FAM83C: variants seen among roughly 807,000 people sequenced by gnomAD.
FAM83C encodes the protein scaffolding CK1 anchoring protein C.
Under a neutral mutation model 27.1 loss-of-function variants are expected in FAM83C, and 23 were observed. The ratio of observed to expected loss-of-function variants is 0.85; its 90% CI spans 0.61 to 1.20. The LOEUF (loss-of-function observed/expected upper bound fraction) is 1.20. Ranked by LOEUF, FAM83C falls within the 50% of genes most tolerant of loss-of-function variation. The pLI is 0.00. For missense variants in FAM83C, 984 were observed against 1,001.3 expected, an observed-to-expected ratio of 0.98 and a Z score of 0.23; for synonymous variants, 426 against 423.1, an observed-to-expected ratio of 1.01 and a Z score of -0.09.
At chr20:35,288,743 C>T (rs748972409) in intron 2 of FAM83C, 48 bp downstream of exon 2, 19 of 1,565,680 alleles carry the variant, frequency 1.2e-5, no homozygotes, top group Non-Finnish European at 1.5e-5. Flanking sequence ...CCTGCCCTCC[C>T]TGACTCCCCG....
At position 35,286,816 on chromosome 20, in the gene FAM83C, G is replaced by A; in HGVS notation, c.1963C>T (p.Pro655Ser). 6.2e-7 allele frequency: 1 copy of A among 1,613,990 alleles called. No homozygotes were observed. Among genetic ancestry groups the A allele is most frequent in the Non-Finnish European group, 8.5e-7 (1 of 1,179,982 alleles). The change falls in exon 4 of 4, where the codon CCG becomes TCG. Residue 655 changes from proline (P) to serine (S), a missense_variant. By Grantham distance (74) the Pro-to-Ser change is moderately conservative. Coordinates refer to ENST00000374408, the MANE Select transcript of FAM83C (RefSeq NM_178468.6). ...RGEGPGPNGL[P>S]ISSPARTAGA... ...GCCGTGCGAGCAGGGCTTGATATCG[G>A]GAGACCATTGGGCCCAGGCCCCTCA...
Position 35,287,078 on chromosome 20 carries a change from G to A in FAM83C, c.1701C>T (p.Ala567=). 1 of 1,605,002 alleles carries A rather than the reference G, an allele frequency of 6.2e-7. No homozygotes were observed. Among genetic ancestry groups the A allele is most frequent in the Non-Finnish European group, 8.5e-7 (1 of 1,179,944 alleles). The change falls in exon 4 of 4, where the codon GCC becomes GCT. Residue 567 remains alanine (A), a synonymous_variant. Transcript: ENST00000374408. ...LLSRALGTGG[A]PELGSLRPGD... ...CAGGTCTGAGGGAACCCAACTCAGG[G>A]GCACCCCCAGTACCCAGGGCTCGGG...
Position 35,286,307 on chromosome 20 carries a change from A to G in FAM83C, c.*228T>C, listed in dbSNP as rs1054346477. The G allele has an allele frequency of 1.9e-6, 1 of 534,342 alleles. No homozygotes were observed. Among genetic ancestry groups the G allele is most frequent in the Non-Finnish European group, 3.3e-6 (1 of 302,778 alleles). 33.1% of individuals were successfully genotyped at this position (534,342 alleles called of 1,614,324 possible). ...ACCCACCTGTCAGCTCTACAGGCCC[A>G]GCACAGGGCTGGAAACACAGCCTAG... On this transcript the variant is annotated 3_prime_UTR_variant, in exon 4 of 4. Coordinates refer to ENST00000374408, the MANE Select transcript of FAM83C (RefSeq NM_178468.6).
In FAM83C at chr20:35,287,877, TAC is replaced by T. The variant is rs1263543982; in HGVS notation, c.900_901del (p.Tyr301ArgfsTer2). ...GCCCTCCACAGGCTGCGACTCAGCG[TAC>T]AGACAGCGGAACTCCCGGTCAAAGT... On this transcript the variant is annotated frameshift_variant, in exon 4 of 4. Coordinates refer to ENST00000374408, the MANE Select transcript of FAM83C (RefSeq NM_178468.6). LOFTEE classifies it low-confidence loss of function (END_TRUNC). The T allele has an allele frequency of 1.4e-5, 22 of 1,561,616 alleles. No homozygotes were observed. Among genetic ancestry groups the T allele is most frequent in the Non-Finnish European group, 1.9e-5 (22 of 1,152,248 alleles).
At chr20:35,289,700 C>T (rs1379437256) in intron 1 of FAM83C, among the ~76,000 whole-genome samples, 1 of 151,866 alleles carries the variant, frequency 6.6e-6, no homozygotes, top group Non-Finnish European at 1.5e-5. Flanking sequence ...GTCTTGAACC[C>T]CTGGCCTCAA....
At chr20:35,291,154 C>A (rs886939963) in intron 1 of FAM83C, among the ~76,000 whole-genome samples, 1 of 152,224 alleles carries the variant, frequency 6.6e-6, no homozygotes, top group Non-Finnish European at 1.5e-5. Flanking sequence ...CCCTCAAGGC[C>A]ACGCCAAAGA....
In FAM83C at chr20:35,287,049, T is replaced by A; in HGVS notation, c.1730A>T (p.Asp577Val). 1 of 1,605,070 alleles carries A rather than the reference T, an allele frequency of 6.2e-7. No homozygotes were observed. The highest frequency in any genetic ancestry group is 1.1e-5 in the South Asian group (1 of 91,074). The change falls in exon 4 of 4, where the codon GAT (aspartate) becomes GTT (valine). Residue 577 changes from aspartate to valine, a missense_variant. Transcript: ENST00000374408. ...APELGSLRPG[D>V]RALEDRRLSL... ...CAGCCTCCTGTCCTCCAGGGCCCGATCACCAGGTCTGAGGGAACCCAACTC... is the reference window on the plus strand; with the variant it reads ...CAGCCTCCTGTCCTCCAGGGCCCGAACACCAGGTCTGAGGGAACCCAACTC...
Position 35,287,587 on chromosome 20 carries a change from G to A in FAM83C, c.1192C>T (p.Leu398=). The change falls in exon 4 of 4, where the codon CTG becomes TTG. Residue 398 remains leucine, a synonymous_variant. Transcript: ENST00000374408. ...GGGGAGCCGTGGTTAGGGTCTGACA[G>A]TTGGCGATGTAGGGAGGGCTGGCCA... ...ASGQPSLHRQ[L]SDPNHGSPPG... The A allele has an allele frequency of 6.2e-7, 1 of 1,614,128 alleles. No homozygotes were observed. Among genetic ancestry groups the A allele is most frequent in the South Asian group, 1.1e-5 (1 of 91,084 alleles).
chr20:35,288,421 T>C lies in FAM83C; in HGVS notation c.806+40A>G, dbSNP rs756505079. 4 of 1,610,212 alleles carry C rather than the reference T, an allele frequency of 2.5e-6. No homozygotes were observed. The South Asian group carries it at 3.3e-5, about 13-fold the overall frequency. On this transcript the variant is annotated intron_variant, in intron 3 of 3. Coordinates refer to ENST00000374408, the MANE Select transcript of FAM83C (RefSeq NM_178468.6). ...GAAGCTCAGAGCTGCCAGCCAGTGA[T>C]GCAGCCCCAGGCCCCCCTTGCCTCC...
In FAM83C at chr20:35,286,673, C is replaced by T. The variant is rs767888609; in HGVS notation, c.2106G>A (p.Lys702=). The change falls in exon 4 of 4, where the codon AAG becomes AAA. Residue 702 remains lysine, a synonymous_variant. Transcript: ENST00000374408. ...TGTTACCACCATTGAGATGGCCACC[C>T]TTGGGACCCCCAGGCTCAGTTCCCT... ...ARQGTEPGGP[K]GGHLNGGNSD... is the part of the protein sequence containing the mutation. 2.2e-5 allele frequency: 36 copies of T among 1,613,914 alleles called. No homozygotes were observed. Among genetic ancestry groups the T allele is most frequent in the Non-Finnish European group, 3.0e-5 (35 of 1,179,996 alleles).
In FAM83C at chr20:35,292,241, G is replaced by A. The variant is rs377344891; in HGVS notation, c.64C>T (p.Arg22Trp). The change falls in exon 1 of 4, where the codon CGG becomes TGG. Residue 22 changes from arginine to tryptophan, a missense_variant. Arg to Trp is a moderately radical substitution (Grantham distance 101, BLOSUM62 -3). Coordinates refer to ENST00000374408, the MANE Select transcript of FAM83C (RefSeq NM_178468.6). ...AQGMAGPLRG[R>W]VEELKLPWWR... Reference sequence around the variant, plus strand: ...CACGGCAGCTTCAGCTCTTCCACCCGGCCCCGCAGGGGTCCCGCCATGCCC... The same window carrying A: ...CACGGCAGCTTCAGCTCTTCCACCCAGCCCCGCAGGGGTCCCGCCATGCCC... 4.2e-5 allele frequency: 66 copies of A among 1,556,630 alleles called. No individual in the cohort carries two copies. Among genetic ancestry groups the A allele is most frequent in the Admixed American group, 2.0e-4 (11 of 53,954 alleles).
chr20:35,289,179 T>C (rs1203510172), intron 1 of FAM83C, among the ~76,000 whole-genome samples: 1 of 152,144 alleles, frequency 6.6e-6, no homozygotes, highest in Non-Finnish European at 1.5e-5. Context: ...TTCTTTTTTT[T>C]AAGAGTCAGT....
Position 35,291,902 on chromosome 20 carries a change from C to A in FAM83C, c.403G>T (p.Val135Leu), listed in dbSNP as rs767160211. The A allele has an allele frequency of 6.2e-6, 10 of 1,613,246 alleles. No homozygotes were observed. The highest frequency in any genetic ancestry group is 8.5e-6 in the Non-Finnish European group (10 of 1,179,396). ...GGGCTGAAGCCTGTGGCCTGTGGCA[C>A]CTCGGGCCAGCCCAGGTCCAGGTCT... is the stretch of plus-strand genomic sequence containing the variant. ...PPDLDLGWPE[V>L]PQATGFSPTQ... Residue 135 changes from valine (V) to leucine (L), a missense_variant, in exon 1 of 4, where the codon GTG becomes TTG. Transcript: ENST00000374408.
chr20:35,287,564 G>C lies in FAM83C; in HGVS notation c.1215C>G (p.Ser405=). Residue 405 remains serine (S), a synonymous_variant, in exon 4 of 4, where the codon TCC becomes TCG. Transcript: ENST00000374408. ...GATTGGCCCTATAGAGCCCAGGAGG[G>C]GAGCCGTGGTTAGGGTCTGACAGTT... ...HRQLSDPNHG[S]PPGLYRANLG... 1 of 1,614,154 alleles carries C rather than the reference G, an allele frequency of 6.2e-7. No homozygotes were observed. The highest frequency in any genetic ancestry group is 8.5e-7 in the Non-Finnish European group (1 of 1,180,004).
rs2060819648 is a variant in FAM83C at position 35,285,737 on chromosome 20, A to G, written c.*798T>C. ...GATACACCAGGCGCTGTGATTCACA[A>G]TAAAGTCTGCCTTTATTGATGTGTA... On this transcript the variant is annotated 3_prime_UTR_variant, in exon 4 of 4. Coordinates refer to ENST00000374408, the MANE Select transcript of FAM83C (RefSeq NM_178468.6). The G allele has an allele frequency of 6.6e-6, 1 of 152,432 alleles. No homozygotes were observed. Among genetic ancestry groups the G allele is most frequent in the African/African-American group, 2.4e-5 (1 of 41,442 alleles). The allele number at this position is 152,432 out of a possible 1,614,324, so 9.4% of individuals were successfully genotyped here. A position where few individuals can be genotyped will look rare whatever the true frequency, so the allele number is the denominator to read the frequency against.
rs76440464 is a variant in FAM83C, at chr20:35,288,375, G to A, written c.806+86C>T. On this transcript the variant is annotated intron_variant, in intron 3 of 3. Coordinates refer to ENST00000374408, the MANE Select transcript of FAM83C (RefSeq NM_178468.6). ...CATGGCAGGTACTCAGCCCGTGTCC[G>A]AAGGAAAGGATGAGTGGAGGGAAGC... 0.012 allele frequency: 19,052 copies of A among 1,575,534 alleles called. 1,620 individuals are homozygous for A. The East Asian group carries it at 0.18, about 15-fold the overall frequency.
At chr20:35,291,264 G>A (rs1387067476) in intron 1 of FAM83C, among the ~76,000 whole-genome samples, 1 of 152,144 alleles carries the variant, frequency 6.6e-6, no homozygotes, top group African/African-American at 2.4e-5. Context: ...AGGAGGGCCG[G>A]ACTGGTCCCC....
rs1269456870 is a variant in FAM83C, at chr20:35,288,700, C to T, written c.681+91G>A. 20 of 1,462,260 alleles carry T rather than the reference C, an allele frequency of 1.4e-5. No individual in the cohort carries two copies. The East Asian group carries it at 4.7e-4, about 35-fold the overall frequency. The allele number at this position is 1,462,260 out of a possible 1,614,324, so 90.6% of individuals were successfully genotyped here. A position where few individuals can be genotyped will look rare whatever the true frequency, so the allele number is the denominator to read the frequency against. On this transcript the variant is annotated intron_variant, in intron 2 of 3. Coordinates refer to ENST00000374408, the MANE Select transcript of FAM83C (RefSeq NM_178468.6). ...GGGAACCCACCCCCCACTCCCAGTG[C>T]CCCCCAGTGCTGACTGGCCACCCAC...
In FAM83C at chr20:35,287,399, T is replaced by TG; in HGVS notation, c.1379dup (p.Ala461SerfsTer64). On this transcript the variant is annotated frameshift_variant, in exon 4 of 4. Transcript: ENST00000374408. LOFTEE classifies it low-confidence loss of function (END_TRUNC). ...CATTCTCTGGGAACCGGGACAGAGC[T>TG]GGGGCACCCCGATGGAACTGGAGGA... The TG allele has an allele frequency of 6.2e-7, 1 of 1,614,030 alleles. No homozygotes were observed. The highest frequency in any genetic ancestry group is 1.1e-5 in the South Asian group (1 of 91,082).
Sources: allele counts gnomAD v4.1 joint callset (sites outside exome capture counted in the v4.1 genomes callset), GRCh38; gene constraint gnomAD v4.1.1; transcripts MANE v1.5; gene names NCBI Gene and HGNC (gene_info 2026-07-23, HGNC 2026-07-21).